PLS1: variants seen among roughly 807,000 people sequenced by gnomAD.
The protein encoded by PLS1 is plastin-1.
A neutral mutation model predicts 73.7 loss-of-function variants in PLS1; 32 were observed. The ratio of observed to expected loss-of-function variants is 0.43; its 90% CI spans 0.33 to 0.58. The LOEUF is 0.58. Among genes scored for constraint, PLS1 ranks in the 20% least tolerant of loss-of-function variants. The pLI, the probability that PLS1 is intolerant of heterozygous loss-of-function variation, is 0.04. For synonymous variants in PLS1, 217 were observed against 261.3 expected (o/e 0.83, Z 1.63); for missense variants, 633 against 740.5 (o/e 0.85, Z 1.68).
At chr3:142,630,142 C>CCT (rs1389992006) in intron 1 of PLS1, among the ~76,000 whole-genome samples, 1 of 152,152 alleles carries the variant, frequency 6.6e-6, no homozygotes, top group African/African-American at 2.4e-5. Flanking sequence ...AAAATTTTGG[C>CCT]CTGGCAAGGT....
chr3:142,693,694 A>G (rs1187306765), intron 10 of PLS1, among the ~76,000 whole-genome samples: 3 of 152,114 alleles, frequency 2.0e-5, no homozygotes, highest in Admixed American at 1.3e-4. Context: ...TATGACCCGC[A>G]TTTTCCTTAT....
intron 1 of PLS1, among the ~76,000 whole-genome samples, chr3:142,651,041 G>A (rs2037076883): frequency 6.6e-6 from 1 of 152,062 alleles, no homozygotes; most frequent in South Asian, 2.1e-4. Context: ...TATGATGAGT[G>A]GTATAAAACT....
intron 6 of PLS1, among the ~76,000 whole-genome samples, chr3:142,679,143 G>A (rs2037792682): frequency 1.3e-5 from 2 of 151,704 alleles, no homozygotes; most frequent in South Asian, 4.2e-4. Context: ...TTGTAAATTT[G>A]TTTGAGTTCA....
At position 142,659,597 on chromosome 3, in the gene PLS1, G is replaced by C. The variant is rs570679115; in HGVS notation, c.-36-4605G>C. Among the ~76,000 whole-genome samples, 9 of 151,856 alleles carry C rather than the reference G, an allele frequency of 5.9e-5. No individual in the cohort carries two copies. In the South Asian group the frequency reaches 1.7e-3, roughly 28 times the overall value. On this transcript the variant is annotated intron_variant, in intron 1 of 15. Coordinates refer to ENST00000457734, the MANE Select transcript of PLS1 (RefSeq NM_001145319.2). ...CTGAATACAAAAAGCATATAATGAAGAGTAAGCCTCTTCCTAGTCTGCCTC... is the reference window on the plus strand; with the variant it reads ...CTGAATACAAAAAGCATATAATGAACAGTAAGCCTCTTCCTAGTCTGCCTC...
chr3:142,651,042 G>A (rs2037076944), intron 1 of PLS1, among the ~76,000 whole-genome samples: 1 of 152,184 alleles, frequency 6.6e-6, no homozygotes, highest in South Asian at 2.1e-4. Context: ...ATGATGAGTG[G>A]TATAAAACTG....
intron 9 of PLS1, among the ~76,000 whole-genome samples, chr3:142,689,247 A>T (rs192790339): frequency 2.0e-5 from 3 of 152,128 alleles, no homozygotes; most frequent in Admixed American, 6.5e-5. Flanking sequence ...AACATGGCAA[A>T]ACCCTGTCTT....
intron 1 of PLS1, among the ~76,000 whole-genome samples, chr3:142,657,461 A>G (rs1194238110): frequency 6.6e-6 from 1 of 152,108 alleles, no homozygotes; most frequent in Non-Finnish European, 1.5e-5. Flanking sequence ...CTCAGATAAG[A>G]AAGTGTTATA....
chr3:142,695,032 T>A (rs2038164768), intron 11 of PLS1, among the ~76,000 whole-genome samples: 1 of 152,192 alleles, frequency 6.6e-6, no homozygotes, highest in Non-Finnish European at 1.5e-5. Flanking sequence ...ATTATTGACA[T>A]TAGTAGGGCT....
At chr3:142,647,817 A>T (rs888112051) in intron 1 of PLS1, among the ~76,000 whole-genome samples, 9 of 152,128 alleles carry the variant, frequency 5.9e-5, no homozygotes, top group African/African-American at 2.2e-4. Context: ...TTCTAGTCAG[A>T]TGATTCTTTC....
chr3:142,660,414 CG>C (rs2037344461), intron 1 of PLS1, among the ~76,000 whole-genome samples: 1 of 152,114 alleles, frequency 6.6e-6, no homozygotes, highest in African/African-American at 2.4e-5. Context: ...ATCTAGTGAA[CG>C]TCATAGCTTA....
intron 2 of PLS1, among the ~76,000 whole-genome samples, chr3:142,666,033 C>T (rs781506638): frequency 4.6e-5 from 7 of 152,134 alleles, no homozygotes; most frequent in Non-Finnish European, 8.8e-5. Flanking sequence ...AGAAACCTCT[C>T]TGCTAATTTG....
chr3:142,630,132 A>T (rs1410154920), intron 1 of PLS1, among the ~76,000 whole-genome samples: 1 of 152,098 alleles, frequency 6.6e-6, no homozygotes, highest in African/African-American at 2.4e-5. Context: ...AAAAAAATTT[A>T]AAATTTTGGC....
intron 1 of PLS1, among the ~76,000 whole-genome samples, chr3:142,609,928 G>A (rs570278799): frequency 1.3e-5 from 2 of 152,278 alleles, no homozygotes; most frequent in African/African-American, 2.4e-5. Flanking sequence ...GAGTGCAGTG[G>A]TGCCATCTTG....
Position 142,704,496 on chromosome 3 carries a change from G to C in PLS1, c.1539G>C (p.Glu513Asp), listed in dbSNP as rs1401956735. ...YTLNVLSDLGEGEKVNDEIII... is the reference protein window; with the variant it reads ...YTLNVLSDLGDGEKVNDEIII... ...TGAATGTGTTATCGGATCTTGGAGA[G>C]GGTGAAAAAGTAAATGATGAAATTA... is the stretch of plus-strand genomic sequence containing the variant. The change falls in exon 14 of 16, where the codon GAG (glutamate) becomes GAC (aspartate). Residue 513 changes from glutamate (E) to aspartate (D), a missense_variant. Transcript: ENST00000457734. The C allele has an allele frequency of 6.3e-7, 1 of 1,599,768 alleles. No homozygotes were observed. Among genetic ancestry groups the C allele is most frequent in the Non-Finnish European group, 8.6e-7 (1 of 1,168,238 alleles).
Position 142,703,811 on chromosome 3 carries a change from A to G in PLS1, c.1372-57A>G. ...TCAGATGGCTGAACTAGGCTGGCCT[A>G]TTCTGGAGATATGTTTTTAAAAATC... On this transcript the variant is annotated intron_variant, in intron 12 of 15. Coordinates refer to ENST00000457734, the MANE Select transcript of PLS1 (RefSeq NM_001145319.2). 4.9e-6 allele frequency: 6 copies of G among 1,218,336 alleles called. No individual in the cohort carries two copies. In the South Asian group the frequency reaches 5.1e-5, roughly 10 times the overall value. The allele number at this position is 1,218,336 out of a possible 1,614,324, so 75.5% of individuals were successfully genotyped here.
In PLS1 at chr3:142,647,897, G is replaced by T. The variant is rs59017337; in HGVS notation, c.-36-16305G>T. ...TTTTGAGAGCTGACTCTCTAGTAGGGGCTGTGTGGAGGACTGTGTTGAAAA... is the reference window on the plus strand; with the variant it reads ...TTTTGAGAGCTGACTCTCTAGTAGGTGCTGTGTGGAGGACTGTGTTGAAAA... On this transcript the variant is annotated intron_variant, in intron 1 of 15. Transcript: ENST00000457734. 4.3e-3 allele frequency among the ~76,000 whole-genome samples: 656 copies of T among 152,126 alleles called. 6 individuals carry two copies. The highest frequency in any genetic ancestry group is 0.015 in the African/African-American group (633 of 41,480).
rs753381485 is a variant in PLS1 at position 142,669,451 on chromosome 3, C to G, written c.132C>G (p.Ser44Arg). 6.2e-7 allele frequency: 1 copy of G among 1,609,352 alleles called. No individual in the cohort carries two copies. Among genetic ancestry groups the G allele is most frequent in the East Asian group, 2.2e-5 (1 of 44,828 alleles). The stretch of plus-strand genomic sequence containing the variant: ...TTCAAGACCTGTTTAAGGAAGCAAG[C>G]CTTCCTCTGCCTGGCTACAAGGTGC... ...YELQDLFKEA[S>R]LPLPGYKVRE... Residue 44 changes from serine to arginine, a missense_variant, in exon 3 of 16, where the codon AGC becomes AGG. Ser to Arg is a moderately radical substitution (Grantham distance 110). Transcript: ENST00000457734.
intron 1 of PLS1, among the ~76,000 whole-genome samples, chr3:142,626,318 A>G (rs537082607): frequency 6.6e-6 from 1 of 152,206 alleles, no homozygotes; most frequent in Middle Eastern, 3.2e-3. Flanking sequence ...ATGGAGGGGC[A>G]GGAGTCTAGA....
intron 9 of PLS1, 100 bp from the exon 10 acceptor site, chr3:142,689,518 T>C (rs2038044412): frequency 2.0e-6 from 1 of 493,904 alleles, no homozygotes; most frequent in African/African-American, 2.0e-5. Context: ...AGTTATTATT[T>C]GATATATTTG....
Sources: gnomAD v4.1 joint callset for allele counts (sites outside exome capture counted in the v4.1 genomes callset) on GRCh38, gnomAD v4.1.1 for gene constraint, MANE v1.5 for transcripts, NCBI Gene and HGNC (gene_info 2026-07-23, HGNC 2026-07-21) for gene names.